Variants in KLF12 observed in about 807,000 individuals in gnomAD.
KLF12 encodes the protein KLF transcription factor 12.
A neutral mutation model predicts 37.8 loss-of-function variants in KLF12; 9 were observed. That is an observed-to-expected ratio of 0.24 (90% confidence interval 0.14 to 0.42). The LOEUF (loss-of-function observed/expected upper bound fraction) is 0.42. Ranked by LOEUF, KLF12 falls within the 10% of genes least tolerant of loss-of-function variation. The pLI is 1.00. For missense variants in KLF12, 411 were observed against 516.0 expected (o/e 0.80, Z 1.97); for synonymous variants, 208 against 202.1 (o/e 1.03, Z -0.25).
intron 1 of KLF12, among the ~76,000 whole-genome samples, chr13:74,119,621 A>G (rs1483303073): frequency 6.6e-6 from 1 of 152,228 alleles, no homozygotes; most frequent in Non-Finnish European, 1.5e-5. Context: ...AGGAAGAATT[A>G]GGAAACTTGA....
the KLF12 span, among the ~76,000 whole-genome samples, chr13:74,196,370 C>T: frequency 6.6e-6 from 1 of 152,126 alleles, no homozygotes; most frequent in South Asian, 2.1e-4. Context: ...ATTTATTGCC[C>T]AGGCCCTTTT....
chr13:73,777,266 C>T (rs970642137), intron 5 of KLF12, among the ~76,000 whole-genome samples: 1 of 152,128 alleles, frequency 6.6e-6, no homozygotes, highest in Non-Finnish European at 1.5e-5. Flanking sequence ...TGCATGACTA[C>T]CTTAATGGGA....
At chr13:74,179,724 A>G in the KLF12 span, among the ~76,000 whole-genome samples, 3 of 152,328 alleles carry the variant, frequency 2.0e-5, no homozygotes, top group Non-Finnish European at 2.9e-5. Context: ...AGTGTACTCC[A>G]GGTGGCTAGA....
At chr13:73,999,581 A>T (rs1204344912) in intron 1 of KLF12, among the ~76,000 whole-genome samples, 1 of 150,788 alleles carries the variant, frequency 6.6e-6, no homozygotes, top group African/African-American at 2.4e-5. Context: ...AAAATACAAA[A>T]AAAAAAAAAT....
At chr13:73,987,577 A>G (rs559191271) in intron 2 of KLF12, among the ~76,000 whole-genome samples, 53 of 151,464 alleles carry the variant, frequency 3.5e-4, no homozygotes, top group African/African-American at 1.3e-3. Flanking sequence ...AACAGGGAAG[A>G]GAAAAAGAAG....
chr13:74,046,117 G>T (rs1303887880), intron 1 of KLF12, among the ~76,000 whole-genome samples: 1 of 151,960 alleles, frequency 6.6e-6, no homozygotes, highest in Non-Finnish European at 1.5e-5. Flanking sequence ...CTTAAACTCT[G>T]GGTTTCTAAG....
chr13:73,971,381 C>T (rs1414495742), intron 2 of KLF12, among the ~76,000 whole-genome samples: 2 of 152,160 alleles, frequency 1.3e-5, no homozygotes, highest in Non-Finnish European at 2.9e-5. Context: ...CTGCCAGCCT[C>T]TAATGCAGGC....
At chr13:74,178,744 C>G in the KLF12 span, among the ~76,000 whole-genome samples, 2 of 152,200 alleles carry the variant, frequency 1.3e-5, no homozygotes, top group Non-Finnish European at 2.9e-5. Flanking sequence ...GGACCCCAAT[C>G]TATAGGCTGA....
the KLF12 span, among the ~76,000 whole-genome samples, chr13:74,254,019 A>G: frequency 3.0e-3 from 454 of 152,288 alleles, 3 homozygotes; most frequent in African/African-American, 0.011. Context: ...TCTCTCCCTC[A>G]AAGCTGGTTG....
At chr13:74,030,604 G>A (rs1893089754) in intron 1 of KLF12, among the ~76,000 whole-genome samples, 1 of 152,024 alleles carries the variant, frequency 6.6e-6, no homozygotes. Context: ...CCCCATCCAA[G>A]AGAAAATAAT....
In KLF12 at chr13:73,832,792, A is replaced by C. The variant is rs140986153; in HGVS notation, c.670+13035T>G. On this transcript the variant is annotated intron_variant, in intron 4 of 7. Transcript: ENST00000377669. ...ATTTCCCTTCTACTTAAGGTTTGTT[A>C]AAGGAAATTTATGCTTTTAAAATGC... 4.3e-3 allele frequency among the ~76,000 whole-genome samples: 658 copies of C among 152,324 alleles called. 2 individuals are homozygous for C. The highest frequency in any genetic ancestry group is 8.0e-3 in the Non-Finnish European group (546 of 68,018).
chr13:73,746,556 G>T (rs1345741881), intron 6 of KLF12, among the ~76,000 whole-genome samples: 3 of 152,036 alleles, frequency 2.0e-5, no homozygotes, highest in African/African-American at 7.3e-5. Context: ...TCCAAAGACA[G>T]AGCTCCTTTT....
intron 3 of KLF12, among the ~76,000 whole-genome samples, chr13:73,935,613 T>A (rs1889894170): frequency 6.6e-6 from 1 of 152,078 alleles, no homozygotes; most frequent in African/African-American, 2.4e-5. Flanking sequence ...GCTCCCACTT[T>A]GCTTTCTGCC....
chr13:74,051,341 A>AACACACAC (rs10678885), intron 1 of KLF12, among the ~76,000 whole-genome samples: 10,304 of 143,642 alleles, frequency 0.072, 413 homozygotes, highest in South Asian at 0.12. Context: ...TACACACACA[A>AACACACAC]ACACACACAC....
At chr13:74,269,223 C>A in the KLF12 span, among the ~76,000 whole-genome samples, 1 of 152,130 alleles carries the variant, frequency 6.6e-6, no homozygotes, top group Non-Finnish European at 1.5e-5. Context: ...AAGGCATATT[C>A]ATCTTCATGA....
intron 6 of KLF12, among the ~76,000 whole-genome samples, chr13:73,733,877 A>T (rs1423445925): frequency 6.6e-6 from 1 of 152,178 alleles, no homozygotes; most frequent in Non-Finnish European, 1.5e-5. Flanking sequence ...GGTCGCTCAC[A>T]GTCTTCTCAA....
the KLF12 span, among the ~76,000 whole-genome samples, chr13:74,218,796 T>C: frequency 6.6e-6 from 1 of 152,152 alleles, no homozygotes; most frequent in Non-Finnish European, 1.5e-5. Flanking sequence ...TCAATAAATA[T>C]GAGATTCTTC....
At chr13:73,797,451 C>T (rs554407934) in intron 5 of KLF12, among the ~76,000 whole-genome samples, 7 of 152,270 alleles carry the variant, frequency 4.6e-5, no homozygotes, top group South Asian at 2.1e-4. Flanking sequence ...CCCTTCAAGA[C>T]AGAATGCAGT....
At chr13:74,044,442 A>G (rs111841167) in intron 1 of KLF12, among the ~76,000 whole-genome samples, 10,774 of 152,214 alleles carry the variant, frequency 0.071, 508 homozygotes, top group Non-Finnish European at 0.1. Context: ...TATGGGTATG[A>G]GTATGGCACA....
Sources: allele counts gnomAD v4.1 joint callset (sites outside exome capture counted in the v4.1 genomes callset), GRCh38; gene constraint gnomAD v4.1.1; transcripts MANE v1.5; gene names NCBI Gene and HGNC (gene_info 2026-07-23, HGNC 2026-07-21).